Variants in PTPRN2 observed in about 807,000 individuals in gnomAD.
The protein encoded by PTPRN2 is receptor-type tyrosine-protein phosphatase N2.
A neutral mutation model predicts 118.8 loss-of-function variants in PTPRN2; 74 were observed. That is an observed-to-expected ratio of 0.62 (90% CI 0.52 to 0.76). The LOEUF is 0.76. Among genes scored for constraint, PTPRN2 ranks in the 30% least tolerant of loss-of-function variants. The probability of loss-of-function intolerance (pLI) is 0.00; values close to 1 mark genes in which losing one functional copy is unlikely to be tolerated. For synonymous variants in PTPRN2, 641 were observed against 608.0 expected, an observed-to-expected ratio of 1.05 and a Z score of -0.80; for missense variants, 1,481 against 1,394.4, an observed-to-expected ratio of 1.06 and a Z score of -0.99.
At position 158,327,374 on chromosome 7, in the gene PTPRN2, CAT is replaced by C. The variant is rs771184944; in HGVS notation, c.164-10444_164-10443del. Among the ~76,000 whole-genome samples the C allele has an allele frequency of 6.4e-3, 929 of 145,314 alleles. 19 individuals carry two copies. The highest frequency in any genetic ancestry group is 0.024 in the African/African-American group (866 of 36,742). On this transcript the variant is annotated intron_variant, in intron 2 of 22. Transcript: ENST00000389418. The stretch of plus-strand genomic sequence containing the variant: ...ACACATGTACACATTGTCACACACA[CAT>C]TATCACATGCACACACATGCTCACA...
chr7:158,078,814 A>G (rs931985978), intron 11 of PTPRN2, among the ~76,000 whole-genome samples: 5 of 152,228 alleles, frequency 3.3e-5, no homozygotes, highest in African/African-American at 1.2e-4. Context: ...TCACAGTCAC[A>G]AAATTCTTTT....
At chr7:157,766,377 T>C (rs1305305837) in intron 12 of PTPRN2, among the ~76,000 whole-genome samples, 1 of 150,752 alleles carries the variant, frequency 6.6e-6, no homozygotes, top group Non-Finnish European at 1.5e-5. Context: ...CATCATCCAC[T>C]CTTCTTCCAT....
At chr7:158,466,798 T>C (rs905795213) in intron 2 of PTPRN2, among the ~76,000 whole-genome samples, 2 of 152,194 alleles carry the variant, frequency 1.3e-5, no homozygotes, top group Admixed American at 1.3e-4. Context: ...CCCAGAATTT[T>C]GGGAGGCTGA....
At chr7:158,283,702 G>A (rs996020599) in intron 3 of PTPRN2, among the ~76,000 whole-genome samples, 1 of 152,076 alleles carries the variant, frequency 6.6e-6, no homozygotes, top group Admixed American at 6.6e-5. Context: ...TAGTGGACAC[G>A]CCCATGCAGG....
At chr7:158,197,800 A>G (rs956169343) in intron 4 of PTPRN2, among the ~76,000 whole-genome samples, 1 of 152,188 alleles carries the variant, frequency 6.6e-6, no homozygotes, top group Non-Finnish European at 1.5e-5. Flanking sequence ...CTCACTCACT[A>G]TCATGAGAAC....
intron 12 of PTPRN2, among the ~76,000 whole-genome samples, chr7:157,790,860 A>C (rs1197043985): frequency 6.6e-6 from 1 of 152,184 alleles, no homozygotes; most frequent in East Asian, 1.9e-4. Flanking sequence ...GCTCGGGTGA[A>C]GCTCAGGGGA....
rs925939051 is a variant in PTPRN2, at chr7:158,002,204, G to C, written c.1723+79094C>G. Among the ~76,000 whole-genome samples, 3 of 152,190 alleles carry C rather than the reference G, an allele frequency of 2.0e-5. No individual in the cohort carries two copies. The South Asian group carries it at 6.2e-4, about 32-fold the overall frequency. ...GGCAAGCAGCCCCCGCGGGAAACAC[G>C]GCGTGGTCATCAGGCGAGTGCTGCC... is the stretch of plus-strand genomic sequence containing the variant. On this transcript the variant is annotated intron_variant, in intron 11 of 22. Coordinates refer to ENST00000389418, the MANE Select transcript of PTPRN2 (RefSeq NM_002847.5).
At chr7:157,938,510 A>G (rs1014168027) in intron 11 of PTPRN2, among the ~76,000 whole-genome samples, 24 of 152,230 alleles carry the variant, frequency 1.6e-4, no homozygotes, top group Non-Finnish European at 3.2e-4. Flanking sequence ...CACCCTCTGC[A>G]GATGGGAAGG....
Position 158,247,611 on chromosome 7 carries a change from G to A in PTPRN2, c.278-42338C>T, listed in dbSNP as rs913192531. Reference sequence around the variant, plus strand: ...CAGCAAAGGGGACTTGGGTGTCTGCGGTTTTTTTGTTTGTTTGTTTTTAAG... The same window carrying A: ...CAGCAAAGGGGACTTGGGTGTCTGCAGTTTTTTTGTTTGTTTGTTTTTAAG... On this transcript the variant is annotated intron_variant, in intron 3 of 22. Coordinates refer to ENST00000389418, the MANE Select transcript of PTPRN2 (RefSeq NM_002847.5). 5.5e-5 allele frequency among the ~76,000 whole-genome samples: 8 copies of A among 146,104 alleles called. No individual in the cohort carries two copies. In the East Asian group the frequency reaches 8.6e-4, roughly 16 times the overall value.
Position 157,610,804 on chromosome 7 carries a change from C to T in PTPRN2, c.2345-6729G>A, listed in dbSNP as rs534599351. On this transcript the variant is annotated intron_variant, in intron 15 of 22. Coordinates refer to ENST00000389418, the MANE Select transcript of PTPRN2 (RefSeq NM_002847.5). This position sits in a 1 kb window ranked among gnomAD's most constrained non-coding sequence, Gnocchi z 5.1. ...AGGGGCAGGTCCTCTTCCTCCCACACGCTCCTGTCCTTAGTCAGCAGGCAG... is the reference window on the plus strand; with the variant it reads ...AGGGGCAGGTCCTCTTCCTCCCACATGCTCCTGTCCTTAGTCAGCAGGCAG... Among the ~76,000 whole-genome samples, 3 of 152,242 alleles carry T rather than the reference C, an allele frequency of 2.0e-5. No homozygotes were observed. Among genetic ancestry groups the T allele is most frequent in the East Asian group, 3.8e-4 (2 of 5,198 alleles).
intron 6 of PTPRN2, among the ~76,000 whole-genome samples, chr7:158,153,381 C>T (rs1359038682): frequency 6.6e-6 from 1 of 152,186 alleles, no homozygotes; most frequent in Non-Finnish European, 1.5e-5. Context: ...TAACACAAGC[C>T]ACCTATAGAC....
At chr7:158,334,118 A>G (rs1461200940) in intron 2 of PTPRN2, among the ~76,000 whole-genome samples, 28 of 43,220 alleles carry the variant, frequency 6.5e-4, no homozygotes, top group African/African-American at 1.6e-3. Flanking sequence ...GACGTCACTC[A>G]CACCCACACT....
rs1438606523 is a variant in PTPRN2, at chr7:157,587,982, G to A, written c.2496+7256C>T. 6.0e-5 allele frequency among the ~76,000 whole-genome samples: 9 copies of A among 150,652 alleles called. No homozygotes were observed. The highest frequency in any genetic ancestry group is 1.3e-4 in the Non-Finnish European group (9 of 67,540). ...GCTGTCCCCGTGCCTGGGCTCCCGC[G>A]GTGGCTGTCCCCGTGCCTGGGCTCC... On this transcript the variant is annotated intron_variant, in intron 17 of 22. Coordinates refer to ENST00000389418, the MANE Select transcript of PTPRN2 (RefSeq NM_002847.5). This position sits in a 1 kb window ranked among gnomAD's most constrained non-coding sequence, Gnocchi z 5.3.
intron 11 of PTPRN2, among the ~76,000 whole-genome samples, chr7:157,949,619 G>C (rs1163427331): frequency 2.0e-5 from 3 of 152,204 alleles, no homozygotes; most frequent in African/African-American, 7.2e-5. Context: ...TCAGTCTCAG[G>C]TATTTCTTCA....
At chr7:158,275,791 C>A (rs1798921583) in intron 3 of PTPRN2, among the ~76,000 whole-genome samples, 2 of 152,118 alleles carry the variant, frequency 1.3e-5, no homozygotes, top group Admixed American at 6.5e-5. Context: ...AGTGATGGGG[C>A]CTCCACCGCC....
At chr7:157,546,313 G>A (rs1040883232) in intron 22 of PTPRN2, among the ~76,000 whole-genome samples, 2 of 152,164 alleles carry the variant, frequency 1.3e-5, no homozygotes, top group African/African-American at 4.8e-5. Flanking sequence ...ACATGTGCAG[G>A]ACGGGCAGCT....
At position 157,773,458 on chromosome 7, in the gene PTPRN2, G is replaced by A. The variant is rs1803007227; in HGVS notation, c.1789-90521C>T. ...CAGACGCCTTTGCTCAAGCCCACCT[G>A]CCTCTTCCCAGCACCACCCGTGTCT... On this transcript the variant is annotated intron_variant, in intron 12 of 22. Coordinates refer to ENST00000389418, the MANE Select transcript of PTPRN2 (RefSeq NM_002847.5). 2.0e-5 allele frequency among the ~76,000 whole-genome samples: 3 copies of A among 152,342 alleles called. No homozygotes were observed. The South Asian group carries it at 6.2e-4, about 32-fold the overall frequency.
intron 1 of PTPRN2, among the ~76,000 whole-genome samples, chr7:158,528,869 C>A (rs1487058300): frequency 6.6e-6 from 1 of 151,622 alleles, no homozygotes; most frequent in East Asian, 1.9e-4. Context: ...CAACAGGAAG[C>A]AAACAAGGAT....
chr7:157,669,606 A>G, intron 13 of PTPRN2: 1 of 472,940 alleles, frequency 2.1e-6, no homozygotes, highest in African/African-American at 2.0e-5. Flanking sequence ...GCCCACGATG[A>G]GCGATGTTGG....
Sources: allele counts gnomAD v4.1 joint callset (sites outside exome capture counted in the v4.1 genomes callset), GRCh38; gene constraint gnomAD v4.1.1; non-coding constraint Gnocchi (gnomAD v3.1); transcripts MANE v1.5; gene names NCBI Gene and HGNC (gene_info 2026-07-23, HGNC 2026-07-21).